Variants in CRHR2 observed in about 807,000 individuals in gnomAD.
CRHR2 encodes corticotropin releasing hormone receptor 2, also known as corticotropin-releasing hormone receptor 2.
CRHR2 carries 53 observed loss-of-function variants against 57.9 expected under a neutral mutation model. That is an observed-to-expected ratio of 0.92 (90% CI 0.73 to 1.15). The LOEUF is 1.15. CRHR2 is among the 50% of genes most tolerant of loss of function. The probability of loss-of-function intolerance (pLI) is 0.00; values close to 1 mark genes in which losing one functional copy is unlikely to be tolerated. For synonymous variants in CRHR2, 213 were observed against 220.9 expected, an observed-to-expected ratio of 0.96 and a Z score of 0.32; for missense variants, 532 against 542.6, an observed-to-expected ratio of 0.98 and a Z score of 0.19.
chr7:30,657,454 T>C (rs1562793649), intron 8 of CRHR2, among the ~76,000 whole-genome samples: 1 of 152,232 alleles, frequency 6.6e-6, no homozygotes, highest in Non-Finnish European at 1.5e-5. Context: ...TTCCAGCTCC[T>C]GGGTCTCTGG....
At position 30,655,082 on chromosome 7, in the gene CRHR2, TGGAAAGGAG is replaced by T. The variant is rs1273538662; in HGVS notation, c.1054-11_1054-3del. 16 of 1,612,036 alleles carry T rather than the reference TGGAAAGGAG, an allele frequency of 9.9e-6. No individual in the cohort carries two copies. The highest frequency in any genetic ancestry group is 9.4e-5 in the African/African-American group (7 of 74,394). On this transcript the variant is annotated splice_polypyrimidine_tract_variant and splice_region_variant and intron_variant, in intron 10 of 11. Coordinates refer to ENST00000471646, the MANE Select transcript of CRHR2 (RefSeq NM_001883.5). The stretch of plus-strand genomic sequence containing the variant: ...GTAGAAGACAGACACGAAGAAACCC[TGGAAAGGAG>T]GGAAAGGAGGGAGTGGTCAGTGACC...
chr7:30,694,080 C>G (rs554773591), intron 1 of CRHR2, among the ~76,000 whole-genome samples: 1 of 152,316 alleles, frequency 6.6e-6, no homozygotes, highest in South Asian at 2.1e-4. Context: ...GCCTGGCACA[C>G]AGCAGGTGCT....
At chr7:30,690,327 C>A (rs1221828784) in intron 1 of CRHR2, among the ~76,000 whole-genome samples, 1 of 152,188 alleles carries the variant, frequency 6.6e-6, no homozygotes, top group Non-Finnish European at 1.5e-5. Flanking sequence ...CTGGAAAATG[C>A]ATGGTGTATG....
chr7:30,682,046 G>C lies in CRHR2; in HGVS notation c.104-6C>G. The stretch of plus-strand genomic sequence containing the variant: ...GTTGCAGTAGGAGTAGGGACCTGGC[G>C]GCGGGAGAGAGCGCAGTAGGGCTCA... On this transcript the variant is annotated splice_region_variant and splice_polypyrimidine_tract_variant and intron_variant, in intron 1 of 11. Coordinates refer to ENST00000471646, the MANE Select transcript of CRHR2 (RefSeq NM_001883.5). 1 of 1,578,084 alleles carries C rather than the reference G, an allele frequency of 6.3e-7. No individual in the cohort carries two copies.
chr7:30,681,945 A>T lies in CRHR2; in HGVS notation c.199T>A (p.Tyr67Asn), dbSNP rs761818256. 4.3e-6 allele frequency: 7 copies of T among 1,612,098 alleles called. No homozygotes were observed. The South Asian group carries it at 6.6e-5, about 15-fold the overall frequency. The change falls in exon 2 of 12, where the codon TAC becomes AAC. Residue 67 changes from tyrosine to asparagine, a missense_variant. Transcript: ENST00000471646. ...GALVERPCPE[Y>N]FNGVKYNTTR... Reference sequence around the variant, plus strand: ...GTGTTGTACTTGACGCCGTTGAAGTACTCGGGGCACGGCCTCTCCACGAGG... The same window carrying T: ...GTGTTGTACTTGACGCCGTTGAAGTTCTCGGGGCACGGCCTCTCCACGAGG...
chr7:30,699,118 G>A (rs578133702), intron 1 of CRHR2, among the ~76,000 whole-genome samples: 2 of 152,326 alleles, frequency 1.3e-5, no homozygotes, highest in South Asian at 2.1e-4. Flanking sequence ...GTGAGGCCTA[G>A]GACAGGTCAC....
chr7:30,684,552 A>T (rs1389709807), upstream of CRHR2, among the ~76,000 whole-genome samples: 1 of 152,174 alleles, frequency 6.6e-6, no homozygotes, highest in Non-Finnish European at 1.5e-5. Flanking sequence ...GATTGCTCTT[A>T]ACTGGGAGAG....
chr7:30,658,270 A>G (rs1375592133), intron 8 of CRHR2, among the ~76,000 whole-genome samples: 2 of 152,224 alleles, frequency 1.3e-5, no homozygotes, highest in African/African-American at 4.8e-5. Flanking sequence ...AGAACTGTCT[A>G]TTGTACCCTG....
At chr7:30,657,808 C>A (rs1413128525) in intron 8 of CRHR2, among the ~76,000 whole-genome samples, 1 of 152,078 alleles carries the variant, frequency 6.6e-6, no homozygotes, top group Non-Finnish European at 1.5e-5. Context: ...ATTCATCCTT[C>A]CTTCCTTCCA....
At chr7:30,654,580 A>T in intron 11 of CRHR2, 13 of 1,144,092 alleles carry the variant, frequency 1.1e-5, no homozygotes, top group Non-Finnish European at 1.5e-5. Context: ...TGGCTTGCAC[A>T]TGCCAAGCTT....
chr7:30,697,578 TCA>T (rs1421685504), intron 1 of CRHR2, among the ~76,000 whole-genome samples: 1 of 152,060 alleles, frequency 6.6e-6, no homozygotes, highest in African/African-American at 2.4e-5. Flanking sequence ...CTCCAGGCTC[TCA>T]GTGTGCCCTG....
rs758328810 is a variant in CRHR2, at chr7:30,682,182, G to A, written c.99C>T (p.Pro33=). The part of the protein sequence containing the change: ...LLDGWGPPLD[P]EGPYSYCNTT... ...GACCGCTCGCCTCCCGCCTACCCTC[G>A]GGGTCCAGGGGTGGCCCCCAGCCGT... Residue 33 remains proline, a synonymous_variant, in exon 1 of 12, where the codon CCC becomes CCT. Coordinates refer to ENST00000471646, the MANE Select transcript of CRHR2 (RefSeq NM_001883.5). The A allele has an allele frequency of 4.5e-6, 7 of 1,572,460 alleles. No homozygotes were observed. Among genetic ancestry groups the A allele is most frequent in the Non-Finnish European group, 6.0e-6 (7 of 1,169,106 alleles).
intron 2 of CRHR2, chr7:30,689,043 G>C (rs1181303884): frequency 6.8e-6 from 5 of 734,146 alleles, no homozygotes; most frequent in Non-Finnish European, 9.6e-6. Context: ...AGGGCCCTCA[G>C]CAAGGCAGAA....
At chr7:30,659,206 G>A (rs867242517) in intron 8 of CRHR2, among the ~76,000 whole-genome samples, 7 of 152,218 alleles carry the variant, frequency 4.6e-5, no homozygotes, top group African/African-American at 1.2e-4. Flanking sequence ...GAAAGGGCTC[G>A]TGAGCACAGA....
At chr7:30,657,559 G>A (rs1302586794) in intron 8 of CRHR2, among the ~76,000 whole-genome samples, 1 of 152,180 alleles carries the variant, frequency 6.6e-6, no homozygotes, top group African/African-American at 2.4e-5. Context: ...GACCTTTTCT[G>A]ATTCTTCCGG....
rs186436664 is a variant in CRHR2 at position 30,653,204 on chromosome 7, T to C, written c.*256A>G. ...AGAGAGGCTGGGATGGGCAAATGCC[T>C]GCAGACATCTGACTGGCTCTTCTCA... On this transcript the variant is annotated 3_prime_UTR_variant, in exon 12 of 12. Transcript: ENST00000471646. This position sits in a 1 kb window ranked among gnomAD's most constrained non-coding sequence, Gnocchi z 5.0. The C allele has an allele frequency of 1.4e-4, 67 of 475,292 alleles. 1 individual carries two copies. The highest frequency in any genetic ancestry group is 1.0e-3 in the African/African-American group (53 of 51,470). 29.4% of individuals were successfully genotyped at this position (475,292 alleles called of 1,614,324 possible).
At chr7:30,671,225 A>G (rs925861136) in intron 2 of CRHR2, among the ~76,000 whole-genome samples, 2 of 152,184 alleles carry the variant, frequency 1.3e-5, no homozygotes, top group South Asian at 4.1e-4. Flanking sequence ...ATTATATGTT[A>G]TGTGAGACTC....
chr7:30,668,815 C>G (rs2128143609), intron 2 of CRHR2, among the ~76,000 whole-genome samples: 1 of 152,342 alleles, frequency 6.6e-6, no homozygotes, highest in South Asian at 2.1e-4. Flanking sequence ...CCTGCCATCC[C>G]CCTGCCAAGT....
In CRHR2 at chr7:30,653,457, G is replaced by A; in HGVS notation, c.*3C>T. The A allele has an allele frequency of 1.2e-6, 2 of 1,613,156 alleles. No individual in the cohort carries two copies. Among genetic ancestry groups the A allele is most frequent in the Non-Finnish European group, 1.7e-6 (2 of 1,179,716 alleles). ...GGAGCTGTGCAGGTGGGCGACCGAG[G>A]GGTCACACAGCGGCCGTCTGCTTGA... On this transcript the variant is annotated 3_prime_UTR_variant, in exon 12 of 12. Coordinates refer to ENST00000471646, the MANE Select transcript of CRHR2 (RefSeq NM_001883.5). The surrounding 1 kb of genome is among the most constrained non-coding windows in gnomAD (Gnocchi z 5.0).
Sources: gnomAD v4.1 joint callset for allele counts (sites outside exome capture counted in the v4.1 genomes callset) on GRCh38, gnomAD v4.1.1 for gene constraint, Gnocchi (gnomAD v3.1) non-coding constraint, MANE v1.5 for transcripts, NCBI Gene and HGNC (gene_info 2026-07-23, HGNC 2026-07-21) for gene names.